The following GULP1 variants were observed in gnomAD, a reference collection of about 807,000 sequenced individuals.
The protein encoded by GULP1 is GULP PTB domain containing engulfment adaptor 1, also known as PTB domain-containing engulfment adapter protein 1.
In GULP1, 19 loss-of-function variants were observed where a neutral mutation model predicts 40.9. That is an observed-to-expected ratio of 0.46 (90% confidence interval 0.32 to 0.68). GULP1 has a LOEUF of 0.68. Ranked by LOEUF, GULP1 falls within the 30% of genes least tolerant of loss-of-function variation. GULP1 has a pLI of 0.03. For missense variants in GULP1, 312 were observed against 362.2 expected, an observed-to-expected ratio of 0.86 and a Z score of 1.12; for synonymous variants, 119 against 117.6, an observed-to-expected ratio of 1.01 and a Z score of -0.08.
At chr2:188,376,348 G>A (rs890215623) in intron 1 of GULP1, among the ~76,000 whole-genome samples, 3 of 152,198 alleles carry the variant, frequency 2.0e-5, no homozygotes, top group South Asian at 2.1e-4. Context: ...AGGTCTTAAC[G>A]TAAGATTTAG....
rs534266643 is a variant in GULP1 at position 188,473,151 on chromosome 2, C to G, written c.-44-4508C>G. On this transcript the variant is annotated intron_variant, in intron 2 of 11. Transcript: ENST00000409830. ...TTTTTCTTTCAAACAAATGGGGTCT[C>G]TCTTTCTCTCTCTCTCTCTCTCTCT... Among the ~76,000 whole-genome samples the G allele has an allele frequency of 1.2e-4, 17 of 146,558 alleles. No individual in the cohort carries two copies. The East Asian group carries it at 2.1e-3, about 18-fold the overall frequency.
intron 1 of GULP1, among the ~76,000 whole-genome samples, chr2:188,327,980 G>A (rs1442789757): frequency 6.6e-6 from 1 of 152,042 alleles, no homozygotes; most frequent in Admixed American, 6.6e-5. Flanking sequence ...GATCCTACAT[G>A]CCCAGAGTGA....
intron 2 of GULP1, among the ~76,000 whole-genome samples, chr2:188,410,463 C>T (rs1273810717): frequency 6.6e-6 from 1 of 151,898 alleles, no homozygotes; most frequent in East Asian, 1.9e-4. Flanking sequence ...GGGTTAATAG[C>T]CAAATATATA....
intron 2 of GULP1, among the ~76,000 whole-genome samples, chr2:188,401,181 G>A (rs915938463): frequency 1.3e-5 from 2 of 151,984 alleles, no homozygotes; most frequent in Admixed American, 1.3e-4. Flanking sequence ...GATTACTATA[G>A]CCAATAAAGG....
At chr2:188,304,246 T>G (rs893765732) in intron 1 of GULP1, among the ~76,000 whole-genome samples, 1 of 152,170 alleles carries the variant, frequency 6.6e-6, no homozygotes, top group African/African-American at 2.4e-5. Context: ...AATAGCACCC[T>G]TCCTTAATTT....
intron 7 of GULP1, among the ~76,000 whole-genome samples, chr2:188,548,086 C>G (rs1158711984): frequency 6.6e-6 from 1 of 152,018 alleles, no homozygotes; most frequent in Non-Finnish European, 1.5e-5. Flanking sequence ...ACTTTTCACT[C>G]TCTTGGCTCA....
At chr2:188,378,673 G>A (rs1225073208) in intron 1 of GULP1, among the ~76,000 whole-genome samples, 1 of 152,062 alleles carries the variant, frequency 6.6e-6, no homozygotes, top group African/African-American at 2.4e-5. Flanking sequence ...GGAGGTGCCA[G>A]GCTCTTTTTA....
chr2:188,451,781 A>G (rs548759117), intron 2 of GULP1, among the ~76,000 whole-genome samples: 1 of 152,154 alleles, frequency 6.6e-6, no homozygotes, highest in Non-Finnish European at 1.5e-5. Context: ...GGAAAATAAA[A>G]AAGAATACAT....
intron 6 of GULP1, among the ~76,000 whole-genome samples, chr2:188,529,903 T>G (rs1351310167): frequency 6.6e-6 from 1 of 152,098 alleles, no homozygotes; most frequent in African/African-American, 2.4e-5. Context: ...TTTAGCAGAG[T>G]TTATTTGAAC....
chr2:188,481,864 G>C (rs962377367), intron 3 of GULP1, among the ~76,000 whole-genome samples: 9 of 151,816 alleles, frequency 5.9e-5, no homozygotes, highest in Non-Finnish European at 1.2e-4. Context: ...GAAGTATTGT[G>C]ATTTACTTCT....
chr2:188,312,401 G>A (rs7425596), intron 1 of GULP1, among the ~76,000 whole-genome samples: 73,265 of 151,790 alleles, frequency 0.48, 18,302 homozygotes, highest in East Asian at 0.71. Flanking sequence ...TGTGGTATTT[G>A]GTTTTCTGTT....
At chr2:188,522,136 TTATTTCTTTAAC>T (rs1213919891) in intron 4 of GULP1, among the ~76,000 whole-genome samples, 3 of 152,190 alleles carry the variant, frequency 2.0e-5, no homozygotes, top group African/African-American at 7.2e-5. Flanking sequence ...CATGTATGTT[TTATTTCTTTAAC>T]TATAGCTTTA....
intron 1 of GULP1, among the ~76,000 whole-genome samples, chr2:188,297,201 A>G (rs1210830159): frequency 1.3e-5 from 2 of 150,870 alleles, no homozygotes; most frequent in Non-Finnish European, 3.0e-5. Flanking sequence ...ACTTCTATTT[A>G]TACCTCCGAA....
At chr2:188,336,627 A>C (rs568009339) in intron 1 of GULP1, among the ~76,000 whole-genome samples, 1 of 152,196 alleles carries the variant, frequency 6.6e-6, no homozygotes, top group Non-Finnish European at 1.5e-5. Flanking sequence ...GGAGACATCC[A>C]TGGATGAGGT....
chr2:188,571,220 T>A (rs10931368), intron 9 of GULP1, among the ~76,000 whole-genome samples: 1,679 of 152,240 alleles, frequency 0.011, 12 homozygotes, highest in Non-Finnish European at 0.019. Context: ...TGTTGCAAAA[T>A]TTTTTATGGA....
chr2:188,475,969 T>C (rs995768607), intron 2 of GULP1, among the ~76,000 whole-genome samples: 2 of 152,124 alleles, frequency 1.3e-5, no homozygotes, highest in Non-Finnish European at 2.9e-5. Context: ...AGCCAGCCTC[T>C]TGAAAGGACT....
chr2:188,586,741 T>G (rs1457533861), intron 10 of GULP1, among the ~76,000 whole-genome samples: 1 of 152,100 alleles, frequency 6.6e-6, no homozygotes, highest in Non-Finnish European at 1.5e-5. Context: ...TCACATTTAT[T>G]AACTTATTTA....
chr2:188,468,457 CTT>C (rs1450987947), intron 2 of GULP1, among the ~76,000 whole-genome samples: 1 of 152,080 alleles, frequency 6.6e-6, no homozygotes, highest in East Asian at 1.9e-4. Flanking sequence ...GATTTCATAA[CTT>C]GATTTGCTCA....
At chr2:188,503,151 G>A (rs2063588281) in intron 4 of GULP1, among the ~76,000 whole-genome samples, 2 of 151,874 alleles carry the variant, frequency 1.3e-5, no homozygotes, top group South Asian at 4.1e-4. Context: ...CAGCCTATGG[G>A]CCACATGTGG....
Sources: gnomAD v4.1 joint callset for allele counts (sites outside exome capture counted in the v4.1 genomes callset) on GRCh38, gnomAD v4.1.1 for gene constraint, MANE v1.5 for transcripts, NCBI Gene and HGNC (gene_info 2026-07-23, HGNC 2026-07-21) for gene names.